NRXN3: variants seen among roughly 807,000 people sequenced by gnomAD.
NRXN3 encodes the protein neurexin 3.
Under a neutral mutation model 137.6 loss-of-function variants are expected in NRXN3, and 32 were observed. That is an observed-to-expected ratio of 0.23 (90% CI 0.18 to 0.31). The LOEUF is 0.31. NRXN3 is among the 10% of genes least tolerant of loss of function. The pLI is 1.00. For synonymous variants in NRXN3, 798 were observed against 784.5 expected (o/e 1.02, Z -0.29); for missense variants, 1,574 against 2,062.5 (o/e 0.76, Z 4.59).
chr14:79,196,476 A>G (rs59058794), intron 15 of NRXN3, among the ~76,000 whole-genome samples: 7,229 of 152,242 alleles, frequency 0.047, 610 homozygotes, highest in African/African-American at 0.17. Flanking sequence ...TGATCCATTC[A>G]TGAGAACAGA....
chr14:78,862,441 T>C (rs1361208463), intron 10 of NRXN3, among the ~76,000 whole-genome samples: 1 of 152,094 alleles, frequency 6.6e-6, no homozygotes, highest in Non-Finnish European at 1.5e-5. Flanking sequence ...GTTAGTAAAA[T>C]GTTCAGTACC....
At chr14:79,577,692 T>C (rs181256843) in intron 16 of NRXN3, among the ~76,000 whole-genome samples, 45 of 152,344 alleles carry the variant, frequency 3.0e-4, no homozygotes, top group African/African-American at 1.0e-3. Flanking sequence ...TATTTATCTA[T>C]GTGTCTTCAG....
intron 15 of NRXN3, among the ~76,000 whole-genome samples, chr14:79,452,501 G>A (rs143713068): frequency 4.8e-4 from 73 of 152,220 alleles, no homozygotes; most frequent in East Asian, 3.5e-3. Context: ...GACTCACAGC[G>A]TGATTTTGTG....
intron 15 of NRXN3, among the ~76,000 whole-genome samples, chr14:79,199,578 A>T (rs536027747): frequency 1.3e-5 from 2 of 152,382 alleles, no homozygotes; most frequent in African/African-American, 2.4e-5. Flanking sequence ...GTTGAACAAC[A>T]TATGAGAAAA....
intron 15 of NRXN3, among the ~76,000 whole-genome samples, chr14:79,172,014 A>G (rs2061832253): frequency 6.6e-6 from 1 of 152,126 alleles, no homozygotes; most frequent in African/African-American, 2.4e-5. Context: ...AACAAGACAC[A>G]TTTTAGATAT....
intron 15 of NRXN3, among the ~76,000 whole-genome samples, chr14:79,136,690 AAAATGAGCTTCAT>A (rs1316324886): frequency 6.6e-6 from 1 of 152,196 alleles, no homozygotes; most frequent in Admixed American, 6.5e-5. Context: ...GTGAAAGGAG[AAAATGAGCTTCAT>A]AAATACAAAC....
chr14:79,458,146 A>C (rs35039878), intron 15 of NRXN3, among the ~76,000 whole-genome samples: 2,349 of 152,254 alleles, frequency 0.015, 49 homozygotes, highest in Admixed American at 0.063. Context: ...TCTGAGATGC[A>C]CTTATCTATT....
At chr14:78,914,849 C>T (rs567730552) in intron 10 of NRXN3, among the ~76,000 whole-genome samples, 9 of 151,816 alleles carry the variant, frequency 5.9e-5, no homozygotes, top group South Asian at 4.2e-4. Flanking sequence ...AAGGGGGCAA[C>T]GGGAGGTGCA....
chr14:79,780,558 G>A (rs1380090347), intron 19 of NRXN3, among the ~76,000 whole-genome samples: 2 of 152,038 alleles, frequency 1.3e-5, no homozygotes, highest in African/African-American at 2.4e-5. Flanking sequence ...GCAGTGAGTC[G>A]AGACTGCGCC....
intron 16 of NRXN3, among the ~76,000 whole-genome samples, chr14:79,505,611 A>G (rs1177743470): frequency 2.0e-5 from 3 of 152,226 alleles, no homozygotes; most frequent in Admixed American, 2.0e-4. Flanking sequence ...ATACTGGAGA[A>G]CTAGATGTCT....
At chr14:78,993,571 G>T (rs1340539713) in intron 15 of NRXN3, among the ~76,000 whole-genome samples, 1 of 152,118 alleles carries the variant, frequency 6.6e-6, no homozygotes, top group Non-Finnish European at 1.5e-5. Flanking sequence ...ATTGTTTGTT[G>T]CTTAGAATGC....
intron 10 of NRXN3, among the ~76,000 whole-genome samples, chr14:78,930,699 A>G (rs1391923652): frequency 6.6e-6 from 1 of 152,198 alleles, no homozygotes; most frequent in East Asian, 1.9e-4. Flanking sequence ...TCAATTCATT[A>G]AGGCATGCAG....
intron 1 of NRXN3, among the ~76,000 whole-genome samples, chr14:78,180,938 C>G (rs1303163226): frequency 6.6e-6 from 1 of 152,182 alleles, no homozygotes; most frequent in Non-Finnish European, 1.5e-5. Flanking sequence ...ATTCCAAACC[C>G]ATGCTGCACC....
chr14:79,709,225 T>A (rs1168177376), intron 19 of NRXN3, among the ~76,000 whole-genome samples: 1 of 152,154 alleles, frequency 6.6e-6, no homozygotes, highest in Non-Finnish European at 1.5e-5. Flanking sequence ...CTCTAGGAAA[T>A]ATTTACGGTT....
At chr14:79,291,437 T>TC (rs1335415316) in intron 15 of NRXN3, among the ~76,000 whole-genome samples, 2 of 151,642 alleles carry the variant, frequency 1.3e-5, no homozygotes, top group African/African-American at 4.8e-5. Flanking sequence ...TCCAGACCAG[T>TC]CTCAAACTCT....
At chr14:79,323,720 G>A (rs951535845) in intron 15 of NRXN3, among the ~76,000 whole-genome samples, 2 of 152,074 alleles carry the variant, frequency 1.3e-5, no homozygotes, top group Admixed American at 6.6e-5. Flanking sequence ...GTAGCCGGGC[G>A]TGGCGGTGTG....
chr14:78,468,152 G>A (rs1274559362), intron 4 of NRXN3, among the ~76,000 whole-genome samples: 1 of 152,062 alleles, frequency 6.6e-6, no homozygotes, highest in Non-Finnish European at 1.5e-5. Flanking sequence ...ATTGTTAATG[G>A]CAGCTTTATT....
At chr14:79,772,615 C>T (rs1200408629) in intron 19 of NRXN3, among the ~76,000 whole-genome samples, 4 of 152,150 alleles carry the variant, frequency 2.6e-5, no homozygotes, top group Admixed American at 6.5e-5. Context: ...ACACCTTATA[C>T]AAAAATCAAT....
At chr14:79,577,386 T>C (rs550907163) in intron 16 of NRXN3, among the ~76,000 whole-genome samples, 5 of 152,330 alleles carry the variant, frequency 3.3e-5, no homozygotes, top group Non-Finnish European at 7.4e-5. Context: ...CAGAGCCTTC[T>C]ATTTTTCAGT....
Sources: allele counts gnomAD v4.1 joint callset (sites outside exome capture counted in the v4.1 genomes callset), GRCh38; gene constraint gnomAD v4.1.1; transcripts MANE v1.5; gene names NCBI Gene and HGNC (gene_info 2026-07-23, HGNC 2026-07-21).